B3GLCT: variants seen among roughly 807,000 people sequenced by gnomAD.
B3GLCT encodes the protein beta 3-glucosyltransferase.
Under a neutral mutation model 63.4 loss-of-function variants are expected in B3GLCT, and 65 were observed. The observed-to-expected ratio is 1.03, with a 90% CI of 0.84 to 1.26. The LOEUF is 1.26. Among genes scored for constraint, B3GLCT ranks in the 50% most tolerant of loss-of-function variants. B3GLCT has a pLI of 0.00. For missense variants in B3GLCT, 577 were observed against 604.8 expected, an observed-to-expected ratio of 0.95 and a Z score of 0.48; for synonymous variants, 233 against 219.2, an observed-to-expected ratio of 1.06 and a Z score of -0.55.
chr13:31,276,679 A>AT (rs780390095), intron 9 of B3GLCT, 23 bp from the exon 10 acceptor site: 9 of 1,563,302 alleles, frequency 5.8e-6, no homozygotes, highest in African/African-American at 1.4e-5. Context: ...ATATGCATAC[A>AT]TTTTTTCTTT....
chr13:31,320,968 A>G (rs1319683301), intron 13 of B3GLCT, among the ~76,000 whole-genome samples: 1 of 152,224 alleles, frequency 6.6e-6, no homozygotes, highest in African/African-American at 2.4e-5. Flanking sequence ...TGCATTTCTA[A>G]TGTACTTTCA....
chr13:31,200,485 G>A (rs992556342), intron 1 of B3GLCT, among the ~76,000 whole-genome samples: 8 of 150,126 alleles, frequency 5.3e-5, no homozygotes, highest in African/African-American at 1.9e-4. Flanking sequence ...CGCAGCAGCC[G>A]CCCCCACAGG....
At chr13:31,268,809 C>G (rs1456117181) in intron 7 of B3GLCT, among the ~76,000 whole-genome samples, 1 of 152,128 alleles carries the variant, frequency 6.6e-6, no homozygotes, top group African/African-American at 2.4e-5. Flanking sequence ...CCCATAAAAC[C>G]CAGCAAGATT....
chr13:31,288,982 A>G (rs536152544), intron 12 of B3GLCT, among the ~76,000 whole-genome samples: 1 of 152,270 alleles, frequency 6.6e-6, no homozygotes, highest in East Asian at 1.9e-4. Context: ...TCTGAAAACC[A>G]GTACAAAAAT....
At chr13:31,325,614 A>G (rs1875565225) in intron 14 of B3GLCT, among the ~76,000 whole-genome samples, 1 of 152,260 alleles carries the variant, frequency 6.6e-6, no homozygotes, top group African/African-American at 2.4e-5. Flanking sequence ...TCTCTAATTC[A>G]CATACATTTT....
At chr13:31,235,808 T>C (rs1348462025) in intron 4 of B3GLCT, among the ~76,000 whole-genome samples, 1 of 152,212 alleles carries the variant, frequency 6.6e-6, no homozygotes, top group East Asian at 1.9e-4. Flanking sequence ...CTGTATGCAT[T>C]GAACAACTCC....
intron 8 of B3GLCT, among the ~76,000 whole-genome samples, chr13:31,271,140 C>T (rs980057938): frequency 1.3e-5 from 2 of 152,240 alleles, no homozygotes; most frequent in Non-Finnish European, 2.9e-5. Context: ...TGCAGGTTCC[C>T]ATATTCGGAC....
chr13:31,215,195 A>T, intron 2 of B3GLCT, 95 bp downstream of exon 2: 1 of 1,248,008 alleles, frequency 8.0e-7, no homozygotes, highest in Non-Finnish European at 1.2e-6. Context: ...TTCAATTGTT[A>T]TTTTTATTGT....
chr13:31,274,684 G>A, intron 9 of B3GLCT, 56 bp downstream of exon 9: 1 of 1,597,976 alleles, frequency 6.3e-7, no homozygotes, highest in South Asian at 1.1e-5. Context: ...TAGATGCTGT[G>A]CATAATGTCA....
chr13:31,229,746 C>G (rs1379921690), intron 4 of B3GLCT, among the ~76,000 whole-genome samples: 4 of 144,620 alleles, frequency 2.8e-5, no homozygotes, highest in Admixed American at 6.9e-5. Flanking sequence ...ACTCCTCTGT[C>G]TCAAAAAAAA....
At chr13:31,239,665 G>A (rs144709602) in intron 4 of B3GLCT, among the ~76,000 whole-genome samples, 1 of 150,536 alleles carries the variant, frequency 6.6e-6, no homozygotes, top group African/African-American at 2.4e-5. Flanking sequence ...TGTTGTGATG[G>A]CAAAGCTGTC....
intron 8 of B3GLCT, among the ~76,000 whole-genome samples, chr13:31,272,947 AG>A (rs556842102): frequency 1.3e-5 from 2 of 152,120 alleles, no homozygotes; most frequent in South Asian, 2.1e-4. Context: ...TCTTTTAGTG[AG>A]GTGGTAAATT....
chr13:31,242,030 C>T (rs1870974222), intron 4 of B3GLCT, among the ~76,000 whole-genome samples: 2 of 152,164 alleles, frequency 1.3e-5, no homozygotes, highest in African/African-American at 4.8e-5. Flanking sequence ...TGTTTTCAAG[C>T]ATCAGCTCAT....
At chr13:31,215,952 C>T (rs987453730) in intron 2 of B3GLCT, among the ~76,000 whole-genome samples, 1 of 152,150 alleles carries the variant, frequency 6.6e-6, no homozygotes, top group Non-Finnish European at 1.5e-5. Context: ...AATCTCAGAG[C>T]TGCTGCTTTT....
intron 12 of B3GLCT, among the ~76,000 whole-genome samples, chr13:31,294,914 C>A (rs1873856686): frequency 6.6e-6 from 1 of 151,894 alleles, no homozygotes; most frequent in African/African-American, 2.4e-5. Context: ...GAATTTTCAG[C>A]CATTTTGCAC....
chr13:31,308,783 C>T (rs1413064238), intron 12 of B3GLCT, among the ~76,000 whole-genome samples: 1 of 152,210 alleles, frequency 6.6e-6, no homozygotes, highest in Non-Finnish European at 1.5e-5. Flanking sequence ...TTCTTCCCTT[C>T]TCCCACAGGT....
chr13:31,221,570 C>T (rs536930379), intron 2 of B3GLCT, among the ~76,000 whole-genome samples: 2 of 152,304 alleles, frequency 1.3e-5, no homozygotes, highest in East Asian at 1.9e-4. Flanking sequence ...TATAGGTTCT[C>T]CTCTACTCAG....
In B3GLCT at chr13:31,272,212, T is replaced by A. The variant is rs559371547; in HGVS notation, c.661-2297T>A. 2.1e-4 allele frequency among the ~76,000 whole-genome samples: 25 copies of A among 120,406 alleles called. 1 individual carries two copies. The South Asian group carries it at 7.0e-3, about 33-fold the overall frequency. The allele number at this position is 120,406 out of a possible 152,430, so 79.0% of individuals were successfully genotyped here. ...TTTGTGCCCCTCTCCTTATTTTCTA[T>A]TTTTCCTTTTTTTTTTTTTTTGAGA... On this transcript the variant is annotated intron_variant, in intron 8 of 14. Coordinates refer to ENST00000343307, the MANE Select transcript of B3GLCT (RefSeq NM_194318.4).
At chr13:31,293,946 G>A (rs145160467) in intron 12 of B3GLCT, among the ~76,000 whole-genome samples, 2,314 of 152,284 alleles carry the variant, frequency 0.015, 24 homozygotes, top group Non-Finnish European at 0.024. Context: ...GGCTGGTACC[G>A]CTTTTTCCTT....
Sources: gnomAD v4.1 joint callset for allele counts (sites outside exome capture counted in the v4.1 genomes callset) on GRCh38, gnomAD v4.1.1 for gene constraint, MANE v1.5 for transcripts, NCBI Gene and HGNC (gene_info 2026-07-23, HGNC 2026-07-21) for gene names.